GPC5: variants seen among roughly 807,000 people sequenced by gnomAD.
GPC5 encodes glypican 5.
GPC5 carries 47 observed loss-of-function variants against 53.9 expected under a neutral mutation model. The ratio of observed to expected loss-of-function variants is 0.87; its 90% CI spans 0.69 to 1.11. GPC5 has a LOEUF of 1.11. Ranked by LOEUF, GPC5 falls within the 50% of genes most tolerant of loss-of-function variation. The probability of loss-of-function intolerance (pLI) is 0.00; values close to 1 mark genes in which losing one functional copy is unlikely to be tolerated. For synonymous variants in GPC5, 286 were observed against 263.3 expected (o/e 1.09, Z -0.84); for missense variants, 748 against 713.1 (o/e 1.05, Z -0.56).
rs186159509 is a variant in GPC5, at chr13:92,090,866, T to C, written c.1402-53964T>C. The stretch of plus-strand genomic sequence containing the variant: ...TTATCAGTTCAAAATATCCAAAAAA[T>C]TTTTGTCTGGTTAAGATCATGTGCA... On this transcript the variant is annotated intron_variant, in intron 6 of 7. Coordinates refer to ENST00000377067, the MANE Select transcript of GPC5 (RefSeq NM_004466.6). 1.2e-3 allele frequency among the ~76,000 whole-genome samples: 181 copies of C among 152,312 alleles called. 1 individual carries two copies. Among genetic ancestry groups the C allele is most frequent in the African/African-American group, 4.1e-3 (170 of 41,550 alleles).
Position 92,767,503 on chromosome 13 carries a change from T to C in GPC5, c.1562-98779T>C, listed in dbSNP as rs116619739. ...AAAAAGAAAAATCTTCCTTCTTGGA[T>C]TGGGGTAAAATTACTTTCTTTCACT... On this transcript the variant is annotated intron_variant, in intron 7 of 7. Transcript: ENST00000377067. Among the ~76,000 whole-genome samples the C allele has an allele frequency of 6.4e-3, 973 of 152,204 alleles. 9 individuals are homozygous for C. Among genetic ancestry groups the C allele is most frequent in the African/African-American group, 0.022 (931 of 41,540 alleles).
intron 7 of GPC5, among the ~76,000 whole-genome samples, chr13:92,819,723 T>C (rs2138808540): frequency 6.6e-6 from 1 of 152,310 alleles, no homozygotes; most frequent in Middle Eastern, 3.4e-3. Flanking sequence ...AAAGATTTAA[T>C]ACAATTCAGA....
At chr13:92,500,910 G>A (rs9589566) in intron 7 of GPC5, among the ~76,000 whole-genome samples, 10,233 of 152,160 alleles carry the variant, frequency 0.067, 1,185 homozygotes, top group African/African-American at 0.23. Flanking sequence ...AAACTTCAGG[G>A]GAGATTACAG....
intron 7 of GPC5, among the ~76,000 whole-genome samples, chr13:92,525,939 A>G (rs1036095194): frequency 2.6e-5 from 4 of 152,050 alleles, no homozygotes; most frequent in African/African-American, 9.7e-5. Flanking sequence ...TCTCTTTACT[A>G]CCTTGATGCT....
At chr13:92,498,135 A>G (rs1880044444) in intron 7 of GPC5, among the ~76,000 whole-genome samples, 1 of 152,078 alleles carries the variant, frequency 6.6e-6, no homozygotes, top group East Asian at 1.9e-4. Context: ...TAGGGCAGGA[A>G]TGAAAGGAAC....
intron 6 of GPC5, among the ~76,000 whole-genome samples, chr13:92,037,299 C>T (rs1051839498): frequency 2.0e-5 from 3 of 152,070 alleles, no homozygotes; most frequent in African/African-American, 2.4e-5. Context: ...GTATTTCTAC[C>T]TTAGGGCCTT....
At chr13:92,600,038 G>T (rs1335379529) in intron 7 of GPC5, among the ~76,000 whole-genome samples, 1 of 152,116 alleles carries the variant, frequency 6.6e-6, no homozygotes, top group Non-Finnish European at 1.5e-5. Flanking sequence ...AGTAAAAAAT[G>T]ATGTCAAAGG....
chr13:91,629,381 G>A (rs1227192152), intron 2 of GPC5, among the ~76,000 whole-genome samples: 3 of 151,978 alleles, frequency 2.0e-5, no homozygotes, highest in African/African-American at 2.4e-5. Context: ...GATGGCTCAC[G>A]CCTGTAATCC....
At chr13:91,747,686 A>T (rs1445406269) in intron 4 of GPC5, among the ~76,000 whole-genome samples, 1 of 149,438 alleles carries the variant, frequency 6.7e-6, no homozygotes, top group Admixed American at 6.7e-5. Flanking sequence ...GTGTGTTTTT[A>T]GAATGTGATA....
intron 6 of GPC5, among the ~76,000 whole-genome samples, chr13:92,056,338 C>A (rs2041074409): frequency 6.6e-6 from 1 of 152,118 alleles, no homozygotes; most frequent in African/African-American, 2.4e-5. Context: ...TTACACTGGG[C>A]TCACCCTGAT....
At chr13:92,277,430 G>A (rs2042883964) in intron 7 of GPC5, among the ~76,000 whole-genome samples, 1 of 152,002 alleles carries the variant, frequency 6.6e-6, no homozygotes, top group Admixed American at 6.6e-5. Context: ...ACAGCAATGA[G>A]TATGTTCAAG....
chr13:91,946,629 T>A (rs558754552), intron 6 of GPC5, among the ~76,000 whole-genome samples: 1 of 152,326 alleles, frequency 6.6e-6, no homozygotes, highest in Admixed American at 6.5e-5. Context: ...TCAGATTGCA[T>A]GTTACGTGAC....
At position 92,415,689 on chromosome 13, in the gene GPC5, AAG is replaced by A. The variant is rs1555333775; in HGVS notation, c.1561+270702_1561+270703del. On this transcript the variant is annotated intron_variant, in intron 7 of 7. Coordinates refer to ENST00000377067, the MANE Select transcript of GPC5 (RefSeq NM_004466.6). ...TCCAGCTGGAGGTAAAAAAAAAAAA[AAG>A]AAGTAATAGCAGCGGAATGATAATA... 3.3e-5 allele frequency among the ~76,000 whole-genome samples: 5 copies of A among 151,916 alleles called. No individual in the cohort carries two copies. The South Asian group carries it at 6.3e-4, about 19-fold the overall frequency.
chr13:92,541,629 G>C (rs1433532637), intron 7 of GPC5, among the ~76,000 whole-genome samples: 2 of 151,692 alleles, frequency 1.3e-5, no homozygotes, highest in Non-Finnish European at 3.0e-5. Context: ...TAATTTTAAT[G>C]AAACCTACTT....
chr13:92,647,919 A>C (rs573794996), intron 7 of GPC5, among the ~76,000 whole-genome samples: 2 of 152,264 alleles, frequency 1.3e-5, no homozygotes, highest in South Asian at 4.1e-4. Flanking sequence ...AAAACATGAC[A>C]AATCATGTCT....
At chr13:92,328,488 C>T (rs771741869) in intron 7 of GPC5, among the ~76,000 whole-genome samples, 12 of 152,158 alleles carry the variant, frequency 7.9e-5, no homozygotes, top group East Asian at 1.9e-4. Flanking sequence ...AGGTCTTAGA[C>T]GTAGAGGAAT....
At chr13:92,130,580 G>A (rs541917785) in intron 6 of GPC5, among the ~76,000 whole-genome samples, 1 of 152,006 alleles carries the variant, frequency 6.6e-6, no homozygotes, top group Non-Finnish European at 1.5e-5. Flanking sequence ...TTTGTGGGAA[G>A]CCAGTAATCA....
chr13:92,132,235 T>G (rs1484577644), intron 6 of GPC5, among the ~76,000 whole-genome samples: 1 of 152,154 alleles, frequency 6.6e-6, no homozygotes, highest in Admixed American at 6.6e-5. Flanking sequence ...GCTTCTGAGG[T>G]GCTCTTGTTT....
At chr13:92,313,125 T>C (rs1471952908) in intron 7 of GPC5, among the ~76,000 whole-genome samples, 1 of 152,144 alleles carries the variant, frequency 6.6e-6, no homozygotes, top group African/African-American at 2.4e-5. Flanking sequence ...TCTCTCTCCA[T>C]GAAATGATAA....
Sources: gnomAD v4.1 joint callset for allele counts (sites outside exome capture counted in the v4.1 genomes callset) on GRCh38, gnomAD v4.1.1 for gene constraint, MANE v1.5 for transcripts, NCBI Gene and HGNC (gene_info 2026-07-23, HGNC 2026-07-21) for gene names.